Variants in CFAP418 observed in about 807,000 individuals in gnomAD.
CFAP418 encodes cilia and flagella associated protein 418, also known as cilia- and flagella-associated protein 418.
In CFAP418, 27 loss-of-function variants were observed where a neutral mutation model predicts 24.7. That is an observed-to-expected ratio of 1.09 (90% CI 0.81 to 1.51). The LOEUF is 1.51. Ranked by LOEUF, CFAP418 falls within the 40% of genes most tolerant of loss-of-function variation. The pLI, the probability that CFAP418 is intolerant of heterozygous loss-of-function variation, is 0.00. For missense variants in CFAP418, 257 were observed against 255.2 expected (o/e 1.01, Z -0.05); for synonymous variants, 74 against 87.3 (o/e 0.85, Z 0.85).
intron 5 of CFAP418, among the ~76,000 whole-genome samples, chr8:95,248,105 G>C (rs746374693): frequency 6.6e-6 from 1 of 152,058 alleles, no homozygotes; most frequent in Non-Finnish European, 1.5e-5. Flanking sequence ...GCCTCCCAAA[G>C]TGCTGAGATT....
intron 4 of CFAP418, among the ~76,000 whole-genome samples, chr8:95,257,467 C>G (rs1811810063): frequency 6.6e-6 from 1 of 152,144 alleles, no homozygotes; most frequent in Admixed American, 6.5e-5. Context: ...GGGCATTGTC[C>G]TTCGATGTAG....
rs1027824734 is a variant in CFAP418 at position 95,245,131 on chromosome 8, T to C, written c.*2486A>G. The stretch of plus-strand genomic sequence containing the variant: ...CAGGCAAAACATCTTGAAAGTTTTA[T>C]AGGCTTTGCATTTTAAAATTATAGA... On this transcript the variant is annotated 3_prime_UTR_variant, in exon 6 of 6. Transcript: ENST00000286688. 3.9e-5 allele frequency: 6 copies of C among 152,156 alleles called. No individual in the cohort carries two copies. The highest frequency in any genetic ancestry group is 1.2e-4 in the African/African-American group (5 of 41,448). 9.4% of individuals were successfully genotyped at this position (152,156 alleles called of 1,614,324 possible). A position where few individuals can be genotyped will look rare whatever the true frequency, so the allele number is the denominator to read the frequency against.
chr8:95,253,532 A>C (rs1811740899), intron 4 of CFAP418, among the ~76,000 whole-genome samples: 1 of 152,240 alleles, frequency 6.6e-6, no homozygotes, highest in African/African-American at 2.4e-5. Flanking sequence ...AAGTTCAGAT[A>C]CGCTAATTTC....
intron 1 of CFAP418, among the ~76,000 whole-genome samples, chr8:95,266,944 T>G (rs1332706817): frequency 2.6e-5 from 4 of 152,146 alleles, no homozygotes; most frequent in Non-Finnish European, 5.9e-5. Flanking sequence ...ATCCTGCCCC[T>G]CCGCATGCTA....
intron 4 of CFAP418, among the ~76,000 whole-genome samples, chr8:95,259,096 T>G (rs1481371803): frequency 6.6e-6 from 1 of 152,248 alleles, no homozygotes; most frequent in Non-Finnish European, 1.5e-5. Flanking sequence ...TAGGCCATTC[T>G]TTCTTAAAAA....
intron 5 of CFAP418, among the ~76,000 whole-genome samples, chr8:95,249,725 A>G (rs1259785266): frequency 6.6e-6 from 1 of 152,022 alleles, no homozygotes; most frequent in Non-Finnish European, 1.5e-5. Context: ...GTAAAATAGG[A>G]CAATAAAACA....
At position 95,250,194 on chromosome 8, in the gene CFAP418, C is replaced by T. The variant is rs141902126; in HGVS notation, c.470+1994G>A. On this transcript the variant is annotated intron_variant, in intron 5 of 5. Coordinates refer to ENST00000286688, the MANE Select transcript of CFAP418 (RefSeq NM_177965.4). Reference sequence around the variant, plus strand: ...TGATTTATATCCTAATGGTGGAGACCGCCTTATTCTTTAGCTGTTCCATTC... The same window carrying T: ...TGATTTATATCCTAATGGTGGAGACTGCCTTATTCTTTAGCTGTTCCATTC... 3.1e-3 allele frequency among the ~76,000 whole-genome samples: 470 copies of T among 152,198 alleles called. 1 individual carries two copies. The highest frequency in any genetic ancestry group is 0.01 in the Middle Eastern group (3 of 294).
intron 5 of CFAP418, among the ~76,000 whole-genome samples, chr8:95,251,753 T>A (rs1263383382): frequency 6.6e-6 from 1 of 152,158 alleles, no homozygotes; most frequent in Non-Finnish European, 1.5e-5. Context: ...ATGCATTGCT[T>A]ATGCTTTGTT....
chr8:95,265,461 A>G (rs1422812908), intron 1 of CFAP418, among the ~76,000 whole-genome samples: 2 of 152,160 alleles, frequency 1.3e-5, no homozygotes, highest in East Asian at 3.8e-4. Context: ...CCACTGCCCA[A>G]ATCACTACAA....
chr8:95,249,523 C>T (rs573175364), intron 5 of CFAP418, among the ~76,000 whole-genome samples: 8 of 152,204 alleles, frequency 5.3e-5, no homozygotes, highest in East Asian at 1.9e-4. Context: ...TGTGGTAGTG[C>T]GCACCTGTAT....
chr8:95,263,413 A>G (rs1175232198), intron 2 of CFAP418, among the ~76,000 whole-genome samples: 1 of 152,208 alleles, frequency 6.6e-6, no homozygotes, highest in Non-Finnish European at 1.5e-5. Context: ...CTACAAATAA[A>G]TACAAGTGAC....
intron 4 of CFAP418, among the ~76,000 whole-genome samples, chr8:95,254,657 C>A (rs1008610818): frequency 2.0e-5 from 3 of 152,230 alleles, no homozygotes; most frequent in African/African-American, 7.2e-5. Flanking sequence ...ATACAATCTT[C>A]TGCCCAGACA....
At chr8:95,257,203 G>C (rs1017100788) in intron 4 of CFAP418, among the ~76,000 whole-genome samples, 7 of 152,186 alleles carry the variant, frequency 4.6e-5, no homozygotes, top group Non-Finnish European at 7.4e-5. Context: ...ACGGAGACAA[G>C]TCCCAACTGA....
chr8:95,262,511 T>G lies in CFAP418; in HGVS notation c.243+1176A>C, dbSNP rs577808626. ...GTACTATAGTTATTTCTTAAATTTT[T>G]TTGTGATCTTTGTAAATTAGACTTC... On this transcript the variant is annotated intron_variant, in intron 2 of 5. Coordinates refer to ENST00000286688, the MANE Select transcript of CFAP418 (RefSeq NM_177965.4). Among the ~76,000 whole-genome samples, 255 of 152,328 alleles carry G rather than the reference T, an allele frequency of 1.7e-3. 1 individual carries two copies. Among genetic ancestry groups the G allele is most frequent in the African/African-American group, 5.7e-3 (238 of 41,580 alleles).
At position 95,245,722 on chromosome 8, in the gene CFAP418, A is replaced by G. The variant is rs1811608224; in HGVS notation, c.*1895T>C. 6.6e-6 allele frequency: 1 copy of G among 152,144 alleles called. No homozygotes were observed. Among genetic ancestry groups the G allele is most frequent in the African/African-American group, 2.4e-5 (1 of 41,428 alleles). The allele number at this position is 152,144 out of a possible 1,614,324, so 9.4% of individuals were successfully genotyped here. On this transcript the variant is annotated 3_prime_UTR_variant, in exon 6 of 6. Transcript: ENST00000286688. Reference sequence around the variant, plus strand: ...CCACTGCACTCCAGCCCGGCAACAGAGTGACACTCCATCTCAAAAAAAAAA... The same window carrying G: ...CCACTGCACTCCAGCCCGGCAACAGGGTGACACTCCATCTCAAAAAAAAAA...
rs771784860 is a variant in CFAP418 at position 95,269,084 on chromosome 8, C to A, written c.106G>T (p.Gly36Cys). The A allele has an allele frequency of 2.5e-6, 4 of 1,614,164 alleles. No homozygotes were observed. Among genetic ancestry groups the A allele is most frequent in the Non-Finnish European group, 3.4e-6 (4 of 1,180,008 alleles). The change falls in exon 1 of 6, where the codon GGC becomes TGC. Residue 36 changes from glycine (G) to cysteine (C), a missense_variant. Transcript: ENST00000286688. ...MVEQPKGCGG[G>C]THSSDRNQAK... ...TGGTTCCGGTCGCTACTGTGGGTGC[C>A]GCCGCCGCAGCCTTTGGGCTGCTCG...
chr8:95,259,973 T>C, intron 3 of CFAP418, 68 bp from the exon 4 acceptor site: 1 of 1,316,104 alleles, frequency 7.6e-7, no homozygotes. Context: ...AATTTGGCCA[T>C]GTTAAAAAAA....
chr8:95,268,875 T>A (rs890264298), intron 1 of CFAP418, 160 bp downstream of exon 1: 12 of 746,290 alleles, frequency 1.6e-5, no homozygotes, highest in Non-Finnish European at 2.4e-5. Flanking sequence ...GGTCGACGAA[T>A]GCGCTGCCGC....
intron 2 of CFAP418, among the ~76,000 whole-genome samples, chr8:95,260,778 A>G (rs971108605): frequency 6.6e-6 from 1 of 152,210 alleles, no homozygotes; most frequent in African/African-American, 2.4e-5. Flanking sequence ...ATATATTGCC[A>G]TTATTAGCAT....
Sources: gnomAD v4.1 joint callset for allele counts (sites outside exome capture counted in the v4.1 genomes callset) on GRCh38, gnomAD v4.1.1 for gene constraint, MANE v1.5 for transcripts, NCBI Gene and HGNC (gene_info 2026-07-23, HGNC 2026-07-21) for gene names.